The following NELL2 variants were observed in gnomAD, a reference collection of about 807,000 sequenced individuals.
NELL2 encodes protein kinase C-binding protein NELL2.
NELL2 carries 41 observed loss-of-function variants against 109.6 expected under a neutral mutation model. The observed-to-expected ratio is 0.37, with a 90% CI of 0.29 to 0.49. The LOEUF (loss-of-function observed/expected upper bound fraction) is 0.49, where lower values mean the gene tolerates loss of function less well. Ranked by LOEUF, NELL2 falls within the 20% of genes least tolerant of loss-of-function variation. The pLI is 0.98. For missense variants in NELL2, 900 were observed against 1,008.3 expected, an observed-to-expected ratio of 0.89 and a Z score of 1.45; for synonymous variants, 355 against 344.7, an observed-to-expected ratio of 1.03 and a Z score of -0.33.
At chr12:44,876,699 C>A, upstream of NELL2, 2 of 1,549,740 alleles carry the variant, frequency 1.3e-6, no homozygotes, top group Non-Finnish European at 1.7e-6. Flanking sequence ...CGCTCGCCTG[C>A]CCTTTAAGCA....
At chr12:44,887,346 T>A (rs560060415) in intron 1 of NELL2, among the ~76,000 whole-genome samples, 1 of 151,992 alleles carries the variant, frequency 6.6e-6, no homozygotes, top group East Asian at 1.9e-4. Flanking sequence ...GAAGCCTCCA[T>A]ACTTTTCTCA....
intron 13 of NELL2, among the ~76,000 whole-genome samples, chr12:44,657,055 A>G (rs1947529858): frequency 6.6e-6 from 1 of 152,250 alleles, no homozygotes; most frequent in Admixed American, 6.5e-5. Context: ...TGCATGGGTT[A>G]CAACTGACTT....
intron 15 of NELL2, among the ~76,000 whole-genome samples, chr12:44,598,924 T>TA (rs1309050106): frequency 2.1e-5 from 3 of 142,874 alleles, no homozygotes; most frequent in African/African-American, 2.6e-5. Context: ...CACTCACAGA[T>TA]AAAAAAAATC....
chr12:44,903,771 A>C (rs932889221), intron 1 of NELL2, among the ~76,000 whole-genome samples: 1 of 152,038 alleles, frequency 6.6e-6, no homozygotes, highest in African/African-American at 2.4e-5. Flanking sequence ...GATCATTCTC[A>C]GCAAACTAAC....
At chr12:44,611,457 A>C (rs1400939055) in intron 13 of NELL2, among the ~76,000 whole-genome samples, 1 of 152,118 alleles carries the variant, frequency 6.6e-6, no homozygotes, top group African/African-American at 2.4e-5. Context: ...TCCAAGCCTA[A>C]AGATACTTAT....
At chr12:44,709,267 T>A (rs377640327) in intron 11 of NELL2, among the ~76,000 whole-genome samples, 1 of 152,170 alleles carries the variant, frequency 6.6e-6, no homozygotes, top group Non-Finnish European at 1.5e-5. Context: ...AGAAGTGATG[T>A]GGTGCCAGTT....
At chr12:44,570,504 G>A (rs1389592895) in intron 15 of NELL2, among the ~76,000 whole-genome samples, 3 of 152,158 alleles carry the variant, frequency 2.0e-5, no homozygotes, top group Non-Finnish European at 4.4e-5. Flanking sequence ...AATTAAGCAT[G>A]ATAAATTGGA....
Position 44,523,675 on chromosome 12 carries a change from A to G in NELL2, c.1805-191T>C, listed in dbSNP as rs901527885. On this transcript the variant is annotated intron_variant, in intron 16 of 19. Coordinates refer to ENST00000429094, the MANE Select transcript of NELL2 (RefSeq NM_001145108.2). ...TCTGGGGATTTCACAGGAAAATATT[A>G]TCATGTTTGATTTAAAAAATCAGGT... 5.2e-6 allele frequency: 3 copies of G among 577,160 alleles called. No homozygotes were observed. In the Admixed American group the frequency reaches 9.7e-5, roughly 19 times the overall value. 35.8% of individuals were successfully genotyped at this position (577,160 alleles called of 1,614,324 possible). A position where few individuals can be genotyped will look rare whatever the true frequency, so the allele number is the denominator to read the frequency against.
chr12:44,611,169 T>C (rs541748388), intron 13 of NELL2, among the ~76,000 whole-genome samples, 199 bp from the exon 14 acceptor site: 50 of 152,134 alleles, frequency 3.3e-4, no homozygotes, highest in African/African-American at 1.2e-3. Flanking sequence ...TTCACAAACA[T>C]TGAATGCAAA....
At chr12:44,588,535 A>G (rs1406190299) in intron 15 of NELL2, among the ~76,000 whole-genome samples, 1 of 152,218 alleles carries the variant, frequency 6.6e-6, no homozygotes, top group East Asian at 1.9e-4. Context: ...TACGCTGCAG[A>G]TGGCACTGAA....
At chr12:44,725,424 C>T (rs1939021471) in intron 9 of NELL2, among the ~76,000 whole-genome samples, 1 of 152,068 alleles carries the variant, frequency 6.6e-6, no homozygotes, top group Admixed American at 6.6e-5. Flanking sequence ...TTAGTTCAGC[C>T]ATTGTGGAAA....
At chr12:44,573,721 T>C (rs1456443859) in intron 15 of NELL2, among the ~76,000 whole-genome samples, 2 of 152,188 alleles carry the variant, frequency 1.3e-5, no homozygotes, top group African/African-American at 4.8e-5. Flanking sequence ...CTAATAGATA[T>C]GGAGAACAGG....
chr12:44,744,777 C>T (rs570443748), intron 9 of NELL2, among the ~76,000 whole-genome samples: 7 of 152,166 alleles, frequency 4.6e-5, no homozygotes, highest in Non-Finnish European at 1.0e-4. Context: ...TCTGAATAGA[C>T]CAATAACAGG....
intron 12 of NELL2, among the ~76,000 whole-genome samples, chr12:44,695,027 G>T (rs767456209): frequency 8.5e-5 from 12 of 141,732 alleles, no homozygotes; most frequent in Non-Finnish European, 1.8e-4. Flanking sequence ...GGGGTAAAAG[G>T]AAAAAATGAA....
At chr12:44,907,394 T>G (rs1240668288) in intron 1 of NELL2, among the ~76,000 whole-genome samples, 1 of 152,014 alleles carries the variant, frequency 6.6e-6, no homozygotes. Flanking sequence ...GCTAGTAGAT[T>G]AGGTGCAAAA....
At chr12:44,766,312 G>A (rs1941332817) in intron 9 of NELL2, among the ~76,000 whole-genome samples, 1 of 152,124 alleles carries the variant, frequency 6.6e-6, no homozygotes, top group Non-Finnish European at 1.5e-5. Flanking sequence ...CAGTGCAGCT[G>A]GGTTGTTGTT....
At chr12:44,700,830 A>C (rs1247812581) in intron 12 of NELL2, among the ~76,000 whole-genome samples, 1 of 152,116 alleles carries the variant, frequency 6.6e-6, no homozygotes, top group Admixed American at 6.6e-5. Context: ...CTTTATCCTT[A>C]TCTCTAACCT....
chr12:44,517,501 G>A (rs941669260), intron 19 of NELL2, among the ~76,000 whole-genome samples: 3 of 151,058 alleles, frequency 2.0e-5, no homozygotes, highest in Non-Finnish European at 4.4e-5. Flanking sequence ...AGAACTGTAA[G>A]CCAATTAAAC....
intron 3 of NELL2, among the ~76,000 whole-genome samples, chr12:44,808,015 A>G (rs1943059600): frequency 6.6e-6 from 1 of 152,108 alleles, no homozygotes; most frequent in African/African-American, 2.4e-5. Context: ...ATAACTGGAT[A>G]TGGTCAGAAT....
Sources: allele counts gnomAD v4.1 joint callset (sites outside exome capture counted in the v4.1 genomes callset), GRCh38; gene constraint gnomAD v4.1.1; transcripts MANE v1.5; gene names NCBI Gene and HGNC (gene_info 2026-07-23, HGNC 2026-07-21).